ZNF618: variants seen among roughly 807,000 people sequenced by gnomAD.
ZNF618 encodes the protein zinc finger protein 618, also known as neural precursor cell expressed, developmentally down-regulated 10.
A neutral mutation model predicts 103.0 loss-of-function variants in ZNF618; 34 were observed. That is an observed-to-expected ratio of 0.33 (90% CI 0.25 to 0.44). ZNF618 has a LOEUF of 0.44. Ranked by LOEUF, ZNF618 falls within the 20% of genes least tolerant of loss-of-function variation. ZNF618 has a pLI of 1.00. For synonymous variants in ZNF618, 551 were observed against 542.2 expected (o/e 1.02, Z -0.23); for missense variants, 1,059 against 1,295.4 (o/e 0.82, Z 2.80).
At chr9:113,988,848 C>T (rs1488376415) in intron 3 of ZNF618, among the ~76,000 whole-genome samples, 2 of 152,190 alleles carry the variant, frequency 1.3e-5, no homozygotes, top group South Asian at 2.1e-4. Flanking sequence ...TGGAACCTTC[C>T]GGGGGCCCAG....
intron 10 of ZNF618, 89 bp downstream of exon 10, chr9:114,016,873 G>C: frequency 4.0e-6 from 4 of 1,009,340 alleles, no homozygotes; most frequent in Non-Finnish European, 4.5e-6. Flanking sequence ...ATTTGGCCAG[G>C]AAATGGTGAA....
chr9:113,939,811 CA>C (rs946357024), intron 1 of ZNF618, among the ~76,000 whole-genome samples: 1 of 151,990 alleles, frequency 6.6e-6, no homozygotes, highest in African/African-American at 2.4e-5. Context: ...TAGTCATAGC[CA>C]CTTTTTCATT....
intron 9 of ZNF618, among the ~76,000 whole-genome samples, chr9:114,013,058 T>C (rs1404442674): frequency 6.6e-6 from 1 of 151,998 alleles, no homozygotes; most frequent in Non-Finnish European, 1.5e-5. Context: ...GAATTCAAGG[T>C]GGACTTGCCT....
intron 9 of ZNF618, among the ~76,000 whole-genome samples, chr9:114,012,134 C>T (rs905242398): frequency 3.9e-5 from 6 of 152,030 alleles, no homozygotes. Context: ...ATCTAGAAGA[C>T]CATTCTGTTT....
chr9:113,893,064 C>T lies in ZNF618; in HGVS notation c.33+16651C>T, dbSNP rs533332881. On this transcript the variant is annotated intron_variant, in intron 1 of 14. Coordinates refer to ENST00000374126, the MANE Select transcript of ZNF618 (RefSeq NM_001318042.2). ...AAATTACTGCACTGCCTGCTGTGCT[C>T]ACTAAGTTGGGCCGCTTTCTGGTGG... 2.6e-5 allele frequency among the ~76,000 whole-genome samples: 4 copies of T among 152,338 alleles called. No homozygotes were observed. The South Asian group carries it at 8.3e-4, about 32-fold the overall frequency.
chr9:113,889,350 T>TCTCTCCCTCCCTCCCTCC lies in ZNF618; in HGVS notation c.33+12940_33+12941insTCCCTCCCTCCCTCCCTC, dbSNP rs1191014933. 1.0e-4 allele frequency among the ~76,000 whole-genome samples: 15 copies of TCTCTCCCTCCCTCCCTCC among 148,440 alleles called. No homozygotes were observed. In the East Asian group the frequency reaches 1.5e-3, roughly 14 times the overall value. ...CTCTCTCTCTCTCTCTCTCTCTTTC[T>TCTCTCCCTCCCTCCCTCC]CTCCCTCCCTCTCCATGTGTGGTCT... is the stretch of plus-strand genomic sequence containing the variant. On this transcript the variant is annotated intron_variant, in intron 1 of 14. Transcript: ENST00000374126.
intron 9 of ZNF618, among the ~76,000 whole-genome samples, chr9:114,011,878 A>G (rs1007190904): frequency 6.6e-6 from 1 of 152,216 alleles, no homozygotes; most frequent in African/African-American, 2.4e-5. Context: ...TCATCTGCAT[A>G]TCCAAGAATT....
intron 1 of ZNF618, among the ~76,000 whole-genome samples, chr9:113,895,981 A>G (rs1830002490): frequency 6.6e-6 from 1 of 152,080 alleles, no homozygotes; most frequent in African/African-American, 2.4e-5. Flanking sequence ...ATTTGCATAG[A>G]ACAGAATATA....
At chr9:113,896,645 A>T (rs1050160674) in intron 1 of ZNF618, among the ~76,000 whole-genome samples, 1 of 151,978 alleles carries the variant, frequency 6.6e-6, no homozygotes, top group African/African-American at 2.4e-5. Context: ...TATTTTTCAG[A>T]TTCCCCATAG....
chr9:114,012,889 G>A (rs1166339968), intron 9 of ZNF618, among the ~76,000 whole-genome samples: 1 of 151,948 alleles, frequency 6.6e-6, no homozygotes, highest in Non-Finnish European at 1.5e-5. Context: ...AGGAAGACCT[G>A]TATATGCAGA....
chr9:114,005,677 G>C (rs1378837898), intron 6 of ZNF618, among the ~76,000 whole-genome samples: 1 of 152,232 alleles, frequency 6.6e-6, no homozygotes, highest in African/African-American at 2.4e-5. Context: ...TTCCTGGGCA[G>C]GTGTCCTGCA....
At chr9:113,992,450 T>C (rs1481876843) in intron 3 of ZNF618, among the ~76,000 whole-genome samples, 5 of 152,062 alleles carry the variant, frequency 3.3e-5, no homozygotes, top group African/African-American at 9.7e-5. Flanking sequence ...GGTGGGGTGC[T>C]GGTTAGAGCT....
chr9:114,003,673 G>A (rs1841468193), intron 6 of ZNF618, among the ~76,000 whole-genome samples: 1 of 152,216 alleles, frequency 6.6e-6, no homozygotes, highest in South Asian at 2.1e-4. Flanking sequence ...ATTGCCGGTA[G>A]AAGTCAGAAG....
intron 1 of ZNF618, among the ~76,000 whole-genome samples, chr9:113,952,473 ACT>A (rs1311914933): frequency 1.3e-4 from 20 of 152,082 alleles, no homozygotes; most frequent in Admixed American, 1.2e-3. Flanking sequence ...TCTGACTGTG[ACT>A]CTGAATGTAT....
intron 10 of ZNF618, among the ~76,000 whole-genome samples, chr9:114,022,785 T>C (rs1266726100): frequency 1.3e-5 from 2 of 151,998 alleles, no homozygotes; most frequent in African/African-American, 4.8e-5. Flanking sequence ...CCCTTTTAGG[T>C]TTGTCAGTCT....
chr9:113,894,921 T>C (rs1829911063), intron 1 of ZNF618, among the ~76,000 whole-genome samples: 1 of 152,168 alleles, frequency 6.6e-6, no homozygotes, highest in African/African-American at 2.4e-5. Flanking sequence ...TTTTACAATA[T>C]TGTACTTTTT....
At chr9:113,933,587 A>C (rs1833791342) in intron 1 of ZNF618, among the ~76,000 whole-genome samples, 1 of 152,136 alleles carries the variant, frequency 6.6e-6, no homozygotes, top group Admixed American at 6.5e-5. Flanking sequence ...GAAAGTCTCA[A>C]ATGCCCATCT....
chr9:113,895,271 G>C (rs1025126266), intron 1 of ZNF618, among the ~76,000 whole-genome samples: 6 of 151,994 alleles, frequency 3.9e-5, no homozygotes, highest in Non-Finnish European at 8.8e-5. Context: ...AATAAGAGGG[G>C]GTAAAAGGAT....
intron 11 of ZNF618, among the ~76,000 whole-genome samples, chr9:114,030,025 C>T (rs1240744491): frequency 2.0e-5 from 3 of 152,172 alleles, no homozygotes; most frequent in Non-Finnish European, 4.4e-5. Context: ...ACCGCGGGCC[C>T]TTCAGTTGTC....
Sources: gnomAD v4.1 joint callset for allele counts (sites outside exome capture counted in the v4.1 genomes callset) on GRCh38, gnomAD v4.1.1 for gene constraint, MANE v1.5 for transcripts, NCBI Gene and HGNC (gene_info 2026-07-23, HGNC 2026-07-21) for gene names.